DSCAM: variants seen among roughly 807,000 people sequenced by gnomAD.
DSCAM encodes cell adhesion molecule DSCAM.
A neutral mutation model predicts 217.7 loss-of-function variants in DSCAM; 47 were observed. The observed-to-expected ratio is 0.22, with a 90% confidence interval of 0.17 to 0.28. The LOEUF (loss-of-function observed/expected upper bound fraction) is 0.28. DSCAM is among the 10% of genes least tolerant of loss of function. DSCAM has a pLI of 1.00. For missense variants in DSCAM, 2,080 were observed against 2,618.3 expected, an observed-to-expected ratio of 0.79 and a Z score of 4.49; for synonymous variants, 1,056 against 1,015.3, an observed-to-expected ratio of 1.04 and a Z score of -0.76.
intron 3 of DSCAM, among the ~76,000 whole-genome samples, chr21:40,511,947 C>T (rs918935997): frequency 7.1e-6 from 1 of 139,954 alleles, no homozygotes; most frequent in East Asian, 2.1e-4. Context: ...GCCGAGATCG[C>T]GCCACTGCAC....
intron 9 of DSCAM, among the ~76,000 whole-genome samples, chr21:40,296,958 C>T (rs1210372173): frequency 6.6e-6 from 1 of 151,670 alleles, no homozygotes; most frequent in African/African-American, 2.4e-5. Context: ...TTTTCCTCTA[C>T]CAGGAGATAA....
chr21:40,738,281 T>C (rs925095345), intron 1 of DSCAM, among the ~76,000 whole-genome samples: 1 of 152,230 alleles, frequency 6.6e-6, no homozygotes, highest in African/African-American at 2.4e-5. Context: ...ACCATGCCAA[T>C]GCATGAAATT....
chr21:40,677,411 G>T (rs1304402000), intron 3 of DSCAM, among the ~76,000 whole-genome samples: 1 of 152,072 alleles, frequency 6.6e-6, no homozygotes, highest in Non-Finnish European at 1.5e-5. Context: ...GCCGGGGGGT[G>T]AGGGAATGCA....
intron 3 of DSCAM, among the ~76,000 whole-genome samples, chr21:40,501,906 T>A (rs919006880): frequency 6.6e-6 from 1 of 152,226 alleles, no homozygotes; most frequent in Non-Finnish European, 1.5e-5. Context: ...GGATTATTAA[T>A]GTTCTTTCCG....
chr21:40,683,617 C>A (rs1662029972), intron 3 of DSCAM, among the ~76,000 whole-genome samples: 1 of 151,972 alleles, frequency 6.6e-6, no homozygotes, highest in Admixed American at 6.6e-5. Context: ...AAAAGAGGTC[C>A]TAGAACGCCG....
intron 30 of DSCAM, among the ~76,000 whole-genome samples, chr21:40,051,218 C>G (rs1168381316): frequency 1.3e-5 from 2 of 152,122 alleles, no homozygotes; most frequent in Non-Finnish European, 2.9e-5. Flanking sequence ...ATCAGGACAT[C>G]AATTTCTCAG....
intron 3 of DSCAM, among the ~76,000 whole-genome samples, chr21:40,469,751 AAAT>A: frequency 6.6e-6 from 1 of 152,342 alleles, no homozygotes; most frequent in Middle Eastern, 3.4e-3. Context: ...TTTAGTTAAA[AAAT>A]AATGAGAGTG....
At position 40,021,125 on chromosome 21, in the gene DSCAM, G is replaced by A. The variant is rs767304008; in HGVS notation, c.5687-7739C>T. ...CACACAGAGAGAGAGAGAGGGATCA[G>A]AGAGATGGAAACACACACAGGGAGG... is the stretch of plus-strand genomic sequence containing the variant. On this transcript the variant is annotated intron_variant, in intron 32 of 32. Transcript: ENST00000400454. 1.1e-4 allele frequency among the ~76,000 whole-genome samples: 16 copies of A among 144,290 alleles called. No individual in the cohort carries two copies. In the South Asian group the frequency reaches 3.3e-3, roughly 30 times the overall value. 94.7% of individuals were successfully genotyped at this position (144,290 alleles called of 152,430 possible). A position where few individuals can be genotyped will look rare whatever the true frequency, so the allele number is the denominator to read the frequency against.
chr21:40,280,620 T>A (rs886784800), intron 10 of DSCAM, among the ~76,000 whole-genome samples: 1 of 152,324 alleles, frequency 6.6e-6, no homozygotes, highest in Admixed American at 6.5e-5. Context: ...GAATCTGAAT[T>A]TTTTGTCAAA....
At chr21:40,429,978 C>T (rs183458235) in intron 3 of DSCAM, among the ~76,000 whole-genome samples, 1 of 152,284 alleles carries the variant, frequency 6.6e-6, no homozygotes, top group Non-Finnish European at 1.5e-5. Context: ...CAGAGCAACT[C>T]TATTAAAAGT....
Position 40,846,678 on chromosome 21 carries a change from G to C in DSCAM, c.-17C>G. ...TATCCACATGCCCCTGCCGCTCCCC[G>C]GCCTCCCGCGAGCGACGCGCCGGCC... On this transcript the variant is annotated 5_prime_UTR_variant, in exon 1 of 33. Coordinates refer to ENST00000400454, the MANE Select transcript of DSCAM (RefSeq NM_001389.5). 8.5e-7 allele frequency: 1 copy of C among 1,181,642 alleles called. No individual in the cohort carries two copies. The highest frequency in any genetic ancestry group is 3.6e-5 in the Admixed American group (1 of 27,590). 73.2% of individuals were successfully genotyped at this position (1,181,642 alleles called of 1,614,324 possible).
chr21:40,104,913 C>T lies in DSCAM; in HGVS notation c.3697-11039G>A, dbSNP rs1005868411. ...TTTTAGCCTGTGGATAATCAGAAAG[C>T]TCTACGCAGCAATGGGGAAGTACAT... On this transcript the variant is annotated intron_variant, in intron 20 of 32. Coordinates refer to ENST00000400454, the MANE Select transcript of DSCAM (RefSeq NM_001389.5). Among the ~76,000 whole-genome samples, 3 of 152,108 alleles carry T rather than the reference C, an allele frequency of 2.0e-5. No individual in the cohort carries two copies. In the East Asian group the frequency reaches 5.8e-4, roughly 29 times the overall value.
chr21:40,290,939 A>G (rs9975382), intron 10 of DSCAM, among the ~76,000 whole-genome samples: 50,688 of 152,030 alleles, frequency 0.33, 8,664 homozygotes, highest in South Asian at 0.38. Flanking sequence ...AAGCTCTGAC[A>G]ATGCAGAAAA....
chr21:40,250,199 A>C (rs2073283372), intron 11 of DSCAM, among the ~76,000 whole-genome samples: 1 of 152,154 alleles, frequency 6.6e-6, no homozygotes, highest in Non-Finnish European at 1.5e-5. Context: ...CCTCTGTCGC[A>C]AGCTTAATTC....
At position 40,685,317 on chromosome 21, in the gene DSCAM, G is replaced by C. The variant is rs2090461369; in HGVS notation, c.508+7493C>G. Among the ~76,000 whole-genome samples the C allele has an allele frequency of 2.6e-5, 4 of 152,184 alleles. No homozygotes were observed. In the South Asian group the frequency reaches 8.3e-4, roughly 32 times the overall value. On this transcript the variant is annotated intron_variant, in intron 3 of 32. Coordinates refer to ENST00000400454, the MANE Select transcript of DSCAM (RefSeq NM_001389.5). ...TCCCTTGGCTGGTATCTGGGAACTAGGATATTGGCAGCGTTCCCACCACCC... is the reference window on the plus strand; with the variant it reads ...TCCCTTGGCTGGTATCTGGGAACTACGATATTGGCAGCGTTCCCACCACCC...
chr21:40,472,621 G>A (rs1473340651), intron 3 of DSCAM, among the ~76,000 whole-genome samples: 1 of 152,202 alleles, frequency 6.6e-6, no homozygotes, highest in Non-Finnish European at 1.5e-5. Flanking sequence ...GCTTTAAGGT[G>A]ATATTGCAGA....
At chr21:40,366,405 T>A (rs2074833204) in intron 4 of DSCAM, among the ~76,000 whole-genome samples, 1 of 152,170 alleles carries the variant, frequency 6.6e-6, no homozygotes, top group East Asian at 1.9e-4. Context: ...GTGTTCCCTG[T>A]CATTTCATTT....
At chr21:40,424,064 T>C (rs2075449682) in intron 3 of DSCAM, among the ~76,000 whole-genome samples, 1 of 152,178 alleles carries the variant, frequency 6.6e-6, no homozygotes, top group Non-Finnish European at 1.5e-5. Flanking sequence ...AAGGTAAAAT[T>C]TGAATTGTCC....
At chr21:40,624,417 C>A (rs112421838) in intron 3 of DSCAM, among the ~76,000 whole-genome samples, 2,693 of 152,098 alleles carry the variant, frequency 0.018, 87 homozygotes, top group African/African-American at 0.062. Flanking sequence ...GCTGTAAGAT[C>A]GGATTGAAAA....
Sources: allele counts gnomAD v4.1 joint callset (sites outside exome capture counted in the v4.1 genomes callset), GRCh38; gene constraint gnomAD v4.1.1; transcripts MANE v1.5; gene names NCBI Gene and HGNC (gene_info 2026-07-23, HGNC 2026-07-21).